The following ZNRF1 variants were observed in gnomAD, a reference collection of about 807,000 sequenced individuals.
ZNRF1 encodes the protein E3 ubiquitin-protein ligase ZNRF1.
In ZNRF1, 3 loss-of-function variants were observed where a neutral mutation model predicts 18.4. That is an observed-to-expected ratio of 0.16 (90% confidence interval 0.07 to 0.42). ZNRF1 has a LOEUF of 0.42. Ranked by LOEUF, ZNRF1 falls within the 10% of genes least tolerant of loss-of-function variation. ZNRF1 has a pLI of 0.99. For synonymous variants in ZNRF1, 157 were observed against 144.2 expected (o/e 1.09, Z -0.64); for missense variants, 310 against 329.8 (o/e 0.94, Z 0.47).
chr16:75,033,262 CAAAAA>C (rs56265355), intron 1 of ZNRF1, among the ~76,000 whole-genome samples: 2 of 81,516 alleles, frequency 2.5e-5, no homozygotes, highest in Non-Finnish European at 5.4e-5. Flanking sequence ...TTTATTTCTA[CAAAAA>C]AAAAAAAAAA....
At chr16:75,069,305 T>C (rs760674360) in intron 1 of ZNRF1, among the ~76,000 whole-genome samples, 8 of 152,250 alleles carry the variant, frequency 5.3e-5, no homozygotes, top group Non-Finnish European at 1.2e-4. Context: ...TGCTCTCTTA[T>C]ATTTCCTGTA....
chr16:75,100,099 A>G (rs2036238886), intron 2 of ZNRF1, among the ~76,000 whole-genome samples: 1 of 151,936 alleles, frequency 6.6e-6, no homozygotes, highest in Non-Finnish European at 1.5e-5. Flanking sequence ...ACTCCTTCCT[A>G]TTGCCGGGAA....
intron 1 of ZNRF1, among the ~76,000 whole-genome samples, chr16:75,005,926 A>G (rs2034911477): frequency 6.6e-6 from 1 of 152,196 alleles, no homozygotes; most frequent in Admixed American, 6.5e-5. Flanking sequence ...CCTAGGTGGT[A>G]TAGCCTGCTA....
chr16:75,046,096 G>A (rs963723479), intron 1 of ZNRF1, among the ~76,000 whole-genome samples: 1 of 151,194 alleles, frequency 6.6e-6, no homozygotes. Context: ...TAGAAACGGG[G>A]TTTCACCATG....
intron 1 of ZNRF1, among the ~76,000 whole-genome samples, chr16:75,063,233 C>T (rs1185963024): frequency 4.6e-5 from 7 of 152,172 alleles, no homozygotes; most frequent in South Asian, 2.1e-4. Flanking sequence ...GCAAGCTGGG[C>T]GCTCACAGCC....
intron 1 of ZNRF1, among the ~76,000 whole-genome samples, chr16:75,043,311 A>G (rs746578075): frequency 3.3e-5 from 5 of 152,172 alleles, no homozygotes; most frequent in African/African-American, 9.7e-5. Context: ...GAAACCAGAC[A>G]TGGTTTTATC....
chr16:75,022,368 C>T (rs1454793251), intron 1 of ZNRF1, among the ~76,000 whole-genome samples: 2 of 151,788 alleles, frequency 1.3e-5, no homozygotes, highest in Non-Finnish European at 2.9e-5. Context: ...TCGAGACCAT[C>T]CTGGCTAACA....
At chr16:75,003,120 GC>G (rs1463633743) in intron 1 of ZNRF1, among the ~76,000 whole-genome samples, 4 of 152,114 alleles carry the variant, frequency 2.6e-5, no homozygotes, top group Non-Finnish European at 5.9e-5. Flanking sequence ...TGCCCAATAA[GC>G]TTGGGGCTAA....
intron 1 of ZNRF1, among the ~76,000 whole-genome samples, chr16:75,061,750 C>G (rs2035747281): frequency 1.3e-5 from 2 of 152,198 alleles, no homozygotes; most frequent in Admixed American, 6.5e-5. Flanking sequence ...CTCAATTGAT[C>G]CCTACACCAC....
At chr16:75,058,593 A>G (rs2035698513) in intron 1 of ZNRF1, among the ~76,000 whole-genome samples, 1 of 152,200 alleles carries the variant, frequency 6.6e-6, no homozygotes, top group South Asian at 2.1e-4. Context: ...GTTAAAGAGG[A>G]ATCATAGCCC....
intron 1 of ZNRF1, among the ~76,000 whole-genome samples, chr16:75,051,193 C>A (rs2035598476): frequency 6.6e-6 from 1 of 151,976 alleles, no homozygotes; most frequent in African/African-American, 2.4e-5. Flanking sequence ...TCCACTACTA[C>A]CCACCTCCAA....
intron 1 of ZNRF1, among the ~76,000 whole-genome samples, chr16:75,064,453 G>A (rs2035778484): frequency 6.6e-6 from 1 of 152,020 alleles, no homozygotes; most frequent in African/African-American, 2.4e-5. Context: ...CTACTCAGGA[G>A]GCTGAGGCAG....
At chr16:75,032,195 C>A (rs114841301) in intron 1 of ZNRF1, among the ~76,000 whole-genome samples, 1 of 150,426 alleles carries the variant, frequency 6.6e-6, no homozygotes, top group Non-Finnish European at 1.5e-5. Context: ...CTACACCCTC[C>A]GTCTCCTGGG....
rs1403465687 is a variant in ZNRF1, at chr16:75,095,770, C to T, written c.520+2103C>T. ...GGGAAGGTGAGGCTGTCCAGCTCCT[C>T]TGCCAGAGAACTGCCTGGGACGCCA... On this transcript the variant is annotated intron_variant, in intron 2 of 4. Coordinates refer to ENST00000335325, the MANE Select transcript of ZNRF1 (RefSeq NM_032268.5). 3 of 1,500,428 alleles carry T rather than the reference C, an allele frequency of 2.0e-6. No homozygotes were observed. The Admixed American group carries it at 6.4e-5, about 32-fold the overall frequency. The allele number at this position is 1,500,428 out of a possible 1,614,324, so 92.9% of individuals were successfully genotyped here. A position where few individuals can be genotyped will look rare whatever the true frequency, so the allele number is the denominator to read the frequency against.
At chr16:75,029,830 T>C (rs1291408332) in intron 1 of ZNRF1, among the ~76,000 whole-genome samples, 1 of 151,566 alleles carries the variant, frequency 6.6e-6, no homozygotes, top group Non-Finnish European at 1.5e-5. Context: ...AGGTCAGGAG[T>C]TCGAGACCAG....
intron 1 of ZNRF1, among the ~76,000 whole-genome samples, chr16:75,004,350 G>T (rs1482926225): frequency 1.3e-5 from 2 of 152,094 alleles, no homozygotes; most frequent in Admixed American, 1.3e-4. Flanking sequence ...TATTCTGGAG[G>T]CCTGGTCATT....
intron 2 of ZNRF1, among the ~76,000 whole-genome samples, chr16:75,096,399 G>A (rs1045687831): frequency 6.6e-6 from 1 of 152,090 alleles, no homozygotes; most frequent in African/African-American, 2.4e-5. Flanking sequence ...GCCTGCTCCA[G>A]CTCAGAGAGA....
intron 1 of ZNRF1, among the ~76,000 whole-genome samples, chr16:75,048,230 C>T (rs2035541580): frequency 6.6e-6 from 1 of 152,186 alleles, no homozygotes; most frequent in Non-Finnish European, 1.5e-5. Context: ...GGATTACAGA[C>T]ATGAGTCAGC....
intron 1 of ZNRF1, among the ~76,000 whole-genome samples, chr16:75,080,585 TTC>T (rs2035997695): frequency 6.6e-6 from 1 of 152,154 alleles, no homozygotes; most frequent in Non-Finnish European, 1.5e-5. Context: ...CTGTGAAAGT[TTC>T]CTTCATTGTC....
Sources: gnomAD v4.1 joint callset for allele counts (sites outside exome capture counted in the v4.1 genomes callset) on GRCh38, gnomAD v4.1.1 for gene constraint, MANE v1.5 for transcripts, NCBI Gene and HGNC (gene_info 2026-07-23, HGNC 2026-07-21) for gene names.